The following C1QTNF7 variants were observed in gnomAD, a reference collection of about 807,000 sequenced individuals.
C1QTNF7 encodes C1q and TNF related 7.
Under a neutral mutation model 19.6 loss-of-function variants are expected in C1QTNF7, and 15 were observed. The ratio of observed to expected loss-of-function variants is 0.76; its 90% CI spans 0.51 to 1.18. C1QTNF7 has a LOEUF of 1.18. Among genes scored for constraint, C1QTNF7 ranks in the 50% most tolerant of loss-of-function variants. C1QTNF7 has a pLI of 0.00. For missense variants in C1QTNF7, 324 were observed against 359.7 expected, an observed-to-expected ratio of 0.90 and a Z score of 0.80; for synonymous variants, 142 against 137.5, an observed-to-expected ratio of 1.03 and a Z score of -0.23.
At chr4:15,441,072 G>C (rs1362421099) in intron 2 of C1QTNF7, among the ~76,000 whole-genome samples, 4 of 152,108 alleles carry the variant, frequency 2.6e-5, no homozygotes, top group African/African-American at 4.8e-5. Flanking sequence ...AACCTGGGAG[G>C]TGGAAGTTGC....
At chr4:15,355,291 C>G (rs912971169) in intron 1 of C1QTNF7, among the ~76,000 whole-genome samples, 2 of 152,122 alleles carry the variant, frequency 1.3e-5, no homozygotes, top group African/African-American at 4.8e-5. Context: ...CTTCATGTGA[C>G]TCACACGAAG....
At chr4:15,419,735 A>C (rs2108924595) in intron 1 of C1QTNF7, among the ~76,000 whole-genome samples, 1 of 152,326 alleles carries the variant, frequency 6.6e-6, no homozygotes, top group South Asian at 2.1e-4. Flanking sequence ...AAAATAGCAT[A>C]TGTATTTTGA....
intron 1 of C1QTNF7, among the ~76,000 whole-genome samples, chr4:15,409,897 C>T (rs548341902): frequency 1.3e-5 from 2 of 152,304 alleles, no homozygotes; most frequent in East Asian, 3.9e-4. Context: ...AATATGATGA[C>T]TCTTTTTTTC....
intron 1 of C1QTNF7, among the ~76,000 whole-genome samples, chr4:15,420,362 C>T (rs185363469): frequency 6.6e-6 from 1 of 152,286 alleles, no homozygotes; most frequent in Admixed American, 6.5e-5. Context: ...TTTCTGATCA[C>T]GTAGATGAGA....
At chr4:15,441,666 A>C (rs1712759698) in intron 2 of C1QTNF7, among the ~76,000 whole-genome samples, 1 of 152,210 alleles carries the variant, frequency 6.6e-6, no homozygotes. Flanking sequence ...ATTCAGGAAA[A>C]TTGACTTAAA....
intron 1 of C1QTNF7, among the ~76,000 whole-genome samples, chr4:15,408,447 C>G (rs1297219983): frequency 6.6e-6 from 1 of 151,342 alleles, no homozygotes; most frequent in African/African-American, 2.4e-5. Context: ...ATATTTGTCT[C>G]TTAAGAAAAA....
chr4:15,341,630 C>T (rs1321821468), intron 1 of C1QTNF7, among the ~76,000 whole-genome samples: 1 of 152,220 alleles, frequency 6.6e-6, no homozygotes, highest in Non-Finnish European at 1.5e-5. Flanking sequence ...TTCCCCTCCA[C>T]TTCTGTCTAC....
At chr4:15,343,609 C>T (rs1292345950) in intron 1 of C1QTNF7, among the ~76,000 whole-genome samples, 1 of 152,140 alleles carries the variant, frequency 6.6e-6, no homozygotes, top group Non-Finnish European at 1.5e-5. Flanking sequence ...ATCCTAACTT[C>T]AATGAGCTAC....
chr4:15,358,981 C>A (rs1423732095), intron 1 of C1QTNF7, among the ~76,000 whole-genome samples: 1 of 152,110 alleles, frequency 6.6e-6, no homozygotes, highest in African/African-American at 2.4e-5. Context: ...CCAATAGTTG[C>A]ATTTTTGCAT....
At chr4:15,367,414 C>T (rs1049850868) in intron 1 of C1QTNF7, among the ~76,000 whole-genome samples, 10 of 152,192 alleles carry the variant, frequency 6.6e-5, no homozygotes, top group African/African-American at 2.4e-4. Context: ...TCATATATCA[C>T]TTATACAATT....
rs1712790142 is a variant in C1QTNF7, at chr4:15,442,217, C to T, written c.288C>T (p.Asp96=). 1 of 1,613,320 alleles carries T rather than the reference C, an allele frequency of 6.2e-7. No individual in the cohort carries two copies. The highest frequency in any genetic ancestry group is 1.3e-5 in the African/African-American group (1 of 74,684). ...GPLGLAGEKG[D]QGETGKKGPI... ...TAGGTCTTGCCGGTGAGAAAGGGGACCAAGGAGAGACTGGGAAGAAAGGAC... is the reference window on the plus strand; with the variant it reads ...TAGGTCTTGCCGGTGAGAAAGGGGATCAAGGAGAGACTGGGAAGAAAGGAC... The change falls in exon 3 of 3, where the codon GAC becomes GAT. Residue 96 remains aspartate, a synonymous_variant. Coordinates refer to ENST00000444304, the MANE Select transcript of C1QTNF7 (RefSeq NM_031911.5).
intron 1 of C1QTNF7, among the ~76,000 whole-genome samples, chr4:15,403,555 CCTT>C (rs1477578163): frequency 6.6e-6 from 1 of 152,120 alleles, no homozygotes; most frequent in Non-Finnish European, 1.5e-5. Flanking sequence ...CATCACCTCA[CCTT>C]CTTTTCTGTC....
At chr4:15,381,601 T>C (rs1718144938) in intron 1 of C1QTNF7, among the ~76,000 whole-genome samples, 1 of 152,142 alleles carries the variant, frequency 6.6e-6, no homozygotes, top group Non-Finnish European at 1.5e-5. Flanking sequence ...GGACTACAGG[T>C]TCTTCATATT....
At chr4:15,398,509 A>G (rs988470795) in intron 1 of C1QTNF7, among the ~76,000 whole-genome samples, 5 of 152,050 alleles carry the variant, frequency 3.3e-5, no homozygotes, top group Admixed American at 3.3e-4. Context: ...ACTTCAGCAT[A>G]TCTCTTCTGG....
chr4:15,395,409 C>G (rs964125902), intron 1 of C1QTNF7, among the ~76,000 whole-genome samples: 1 of 152,164 alleles, frequency 6.6e-6, no homozygotes, highest in Non-Finnish European at 1.5e-5. Flanking sequence ...CTGGCTATGC[C>G]TGGGAGGTGC....
At chr4:15,403,134 T>G (rs756659799) in intron 1 of C1QTNF7, among the ~76,000 whole-genome samples, 5 of 152,132 alleles carry the variant, frequency 3.3e-5, no homozygotes, top group Non-Finnish European at 7.4e-5. Context: ...CTGAGTCCCA[T>G]GCTTCCCCAA....
At chr4:15,390,620 C>A (rs1718521716) in intron 1 of C1QTNF7, among the ~76,000 whole-genome samples, 1 of 152,068 alleles carries the variant, frequency 6.6e-6, no homozygotes. Flanking sequence ...AGAATCTGAA[C>A]AAACAATACT....
intron 1 of C1QTNF7, among the ~76,000 whole-genome samples, chr4:15,376,440 A>T (rs138240085): frequency 2.8e-3 from 434 of 152,304 alleles, no homozygotes; most frequent in African/African-American, 9.9e-3. Flanking sequence ...CTGGAGACAC[A>T]AACCAGATTG....
At chr4:15,365,643 C>G (rs532551808) in intron 1 of C1QTNF7, among the ~76,000 whole-genome samples, 14 of 152,256 alleles carry the variant, frequency 9.2e-5, no homozygotes, top group Non-Finnish European at 1.3e-4. Context: ...ATGGTGTTAG[C>G]TTCATGTGTG....
Sources: allele counts gnomAD v4.1 joint callset (sites outside exome capture counted in the v4.1 genomes callset), GRCh38; gene constraint gnomAD v4.1.1; transcripts MANE v1.5; gene names NCBI Gene and HGNC (gene_info 2026-07-23, HGNC 2026-07-21).